FHIT: variants seen among roughly 807,000 people sequenced by gnomAD.
The protein encoded by FHIT is bis(5'-adenosyl)-triphosphatase.
Under a neutral mutation model 17.9 loss-of-function variants are expected in FHIT, and 19 were observed. The observed-to-expected ratio is 1.06, with a 90% CI of 0.74 to 1.56. The LOEUF (loss-of-function observed/expected upper bound fraction) is 1.56, where lower values mean the gene tolerates loss of function less well. Among genes scored for constraint, FHIT ranks in the 40% most tolerant of loss-of-function variants. The pLI, the probability that FHIT is intolerant of heterozygous loss-of-function variation, is 0.00. For missense variants in FHIT, 248 were observed against 189.2 expected, an observed-to-expected ratio of 1.31 and a Z score of -1.82; for synonymous variants, 81 against 69.7, an observed-to-expected ratio of 1.16 and a Z score of -0.81.
In FHIT at chr3:60,490,934, A is replaced by G. The variant is rs117577441; in HGVS notation, c.103+45926T>C. On this transcript the variant is annotated intron_variant, in intron 5 of 9. Transcript: ENST00000492590. ...CTAAGGCAGTCTGGTCGATGCTTTG[A>G]CCTTTGTGCTACCTTTCCTCTACCT... 5.0e-3 allele frequency among the ~76,000 whole-genome samples: 758 copies of G among 152,268 alleles called. 12 individuals are homozygous for G. In the East Asian group the frequency reaches 0.051, roughly 10 times the overall value.
chr3:61,220,687 C>G (rs576035456), intron 1 of FHIT, among the ~76,000 whole-genome samples: 1 of 152,290 alleles, frequency 6.6e-6, no homozygotes, highest in South Asian at 2.1e-4. Flanking sequence ...AGAACACTGT[C>G]TGGCACATAT....
At chr3:60,600,144 T>C (rs1378117556) in intron 4 of FHIT, among the ~76,000 whole-genome samples, 2 of 152,242 alleles carry the variant, frequency 1.3e-5, no homozygotes, top group East Asian at 1.9e-4. Context: ...CTCAGTAATC[T>C]CATGGCCATG....
chr3:60,068,221 C>A (rs2736809), intron 5 of FHIT, among the ~76,000 whole-genome samples: 3 of 152,010 alleles, frequency 2.0e-5, no homozygotes, highest in Non-Finnish European at 2.9e-5. Context: ...GGCAACAGAG[C>A]GAGACTCTGC....
chr3:60,544,308 G>A (rs1035951485), intron 4 of FHIT, among the ~76,000 whole-genome samples: 2 of 151,578 alleles, frequency 1.3e-5, no homozygotes, highest in Non-Finnish European at 2.9e-5. Context: ...CTTTAATCAA[G>A]CTAAAAATAT....
chr3:60,436,121 C>T (rs1242968424), intron 5 of FHIT, among the ~76,000 whole-genome samples: 1 of 152,096 alleles, frequency 6.6e-6, no homozygotes, highest in East Asian at 1.9e-4. Context: ...TGGCTCAGCT[C>T]ACTGCAACCT....
At chr3:60,971,070 A>G (rs572191295) in intron 3 of FHIT, among the ~76,000 whole-genome samples, 257 of 152,330 alleles carry the variant, frequency 1.7e-3, no homozygotes, top group Middle Eastern at 3.4e-3. Flanking sequence ...ACACATACGA[A>G]AAAATAATGA....
At chr3:60,509,814 T>C (rs1001207053) in intron 5 of FHIT, among the ~76,000 whole-genome samples, 2 of 152,246 alleles carry the variant, frequency 1.3e-5, no homozygotes, top group African/African-American at 4.8e-5. Flanking sequence ...TTTAACGTTA[T>C]GGATATAGTC....
chr3:60,956,934 C>T (rs1575750447), intron 3 of FHIT, among the ~76,000 whole-genome samples: 1 of 152,150 alleles, frequency 6.6e-6, no homozygotes, highest in Middle Eastern at 3.4e-3. Context: ...ACTGGGCAAA[C>T]CTGACTTAGA....
chr3:60,748,736 C>T (rs1275863517), intron 4 of FHIT, among the ~76,000 whole-genome samples: 4 of 152,144 alleles, frequency 2.6e-5, no homozygotes, highest in South Asian at 2.1e-4. Context: ...TGCTTGAACC[C>T]GAGAGGCAGA....
chr3:60,844,678 C>T (rs146184841), intron 3 of FHIT, among the ~76,000 whole-genome samples: 5 of 152,244 alleles, frequency 3.3e-5, no homozygotes, highest in African/African-American at 1.2e-4. Flanking sequence ...TTTTTCCTTT[C>T]ATATGTAATT....
chr3:60,223,429 G>T (rs538827399), intron 5 of FHIT, among the ~76,000 whole-genome samples: 1 of 152,120 alleles, frequency 6.6e-6, no homozygotes, highest in Admixed American at 6.6e-5. Flanking sequence ...ACACGTAAGC[G>T]ATCCATGCTT....
chr3:60,875,380 G>A (rs1343868945), intron 3 of FHIT, among the ~76,000 whole-genome samples: 1 of 152,052 alleles, frequency 6.6e-6, no homozygotes, highest in African/African-American at 2.4e-5. Flanking sequence ...TTAATTGAAT[G>A]GCTGCCCATC....
intron 7 of FHIT, among the ~76,000 whole-genome samples, chr3:59,934,378 C>T (rs1706126228): frequency 6.6e-6 from 1 of 152,068 alleles, no homozygotes. Flanking sequence ...TGCCCCTGCA[C>T]CCCCTGCTAT....
chr3:60,954,525 C>G (rs563483883), intron 3 of FHIT, among the ~76,000 whole-genome samples: 2 of 152,204 alleles, frequency 1.3e-5, no homozygotes, highest in Admixed American at 1.3e-4. Flanking sequence ...ACTGAGGATA[C>G]CAAAGGACAT....
chr3:60,022,954 G>C (rs565873687), intron 5 of FHIT, among the ~76,000 whole-genome samples: 4 of 152,248 alleles, frequency 2.6e-5, no homozygotes, highest in African/African-American at 9.6e-5. Context: ...GAAGTGTCTA[G>C]AATTTAGATA....
At chr3:60,941,718 G>A (rs189384605) in intron 3 of FHIT, among the ~76,000 whole-genome samples, 2 of 152,156 alleles carry the variant, frequency 1.3e-5, no homozygotes, top group African/African-American at 2.4e-5. Flanking sequence ...CACTGAAACC[G>A]AATCACACAC....
At chr3:60,192,951 G>A (rs1702472668) in intron 5 of FHIT, among the ~76,000 whole-genome samples, 1 of 152,160 alleles carries the variant, frequency 6.6e-6, no homozygotes, top group African/African-American at 2.4e-5. Context: ...GCCAGTGAAA[G>A]AATATTCTCT....
intron 5 of FHIT, among the ~76,000 whole-genome samples, chr3:60,473,621 A>G (rs750301287): frequency 3.9e-5 from 6 of 152,196 alleles, no homozygotes; most frequent in Admixed American, 1.3e-4. Context: ...GTACTTGCAC[A>G]TGAAAACTTA....
intron 2 of FHIT, among the ~76,000 whole-genome samples, chr3:61,067,119 C>T (rs974900975): frequency 1.3e-5 from 2 of 152,142 alleles, no homozygotes; most frequent in Admixed American, 6.5e-5. Flanking sequence ...ACAGCATCTG[C>T]CACAGCTGCA....
Sources: allele counts gnomAD v4.1 joint callset (sites outside exome capture counted in the v4.1 genomes callset), GRCh38; gene constraint gnomAD v4.1.1; transcripts MANE v1.5; gene names NCBI Gene and HGNC (gene_info 2026-07-23, HGNC 2026-07-21).